Variants in WDPCP observed in about 807,000 individuals in gnomAD.
WDPCP encodes WD repeat containing planar cell polarity effector.
In WDPCP, 71 loss-of-function variants were observed where a neutral mutation model predicts 93.1. The ratio of observed to expected loss-of-function variants is 0.76; its 90% confidence interval spans 0.63 to 0.93. The LOEUF is 0.93. Ranked by LOEUF, WDPCP falls within the 40% of genes least tolerant of loss-of-function variation. WDPCP has a pLI of 0.00. For synonymous variants in WDPCP, 315 were observed against 315.0 expected (o/e 1.00, Z 0.00); for missense variants, 844 against 887.4 (o/e 0.95, Z 0.62).
At chr2:63,224,455 C>T (rs1214994659) in intron 14 of WDPCP, among the ~76,000 whole-genome samples, 3 of 152,016 alleles carry the variant, frequency 2.0e-5, no homozygotes, top group Non-Finnish European at 4.4e-5. Context: ...TTTATCATAG[C>T]TTTATTCATA....
Position 63,772,550 on chromosome 2 carries a change from C to A in WDPCP, n.308+41072G>T, listed in dbSNP as rs961104170. Among the ~76,000 whole-genome samples, 6 of 151,946 alleles carry A rather than the reference C, an allele frequency of 3.9e-5. No homozygotes were observed. In the South Asian group the frequency reaches 1.2e-3, roughly 31 times the overall value. ...GCAAAACTCCTAAACAAAAGATTAG[C>A]AAACTTAATCCAAGGATGCATAATA... is the stretch of plus-strand genomic sequence containing the variant. On this transcript the variant is annotated intron_variant and non_coding_transcript_variant, in intron 2 of 4. Coordinates refer to the WDPCP transcript ENST00000467687.
chr2:63,642,104 T>G (rs182656472), intron 3 of WDPCP, among the ~76,000 whole-genome samples: 153 of 152,284 alleles, frequency 1.0e-3, no homozygotes, highest in African/African-American at 3.5e-3. Flanking sequence ...TATGGGGATT[T>G]GTTTCTGGAC....
intron 2 of WDPCP, among the ~76,000 whole-genome samples, chr2:63,722,479 G>C (rs1350032346): frequency 6.8e-6 from 1 of 146,840 alleles, no homozygotes; most frequent in Non-Finnish European, 1.5e-5. Flanking sequence ...GAAGTGAGGA[G>C]CCCCTCCGCC....
chr2:63,596,727 A>G (rs1363454000), intron 3 of WDPCP, among the ~76,000 whole-genome samples: 3 of 152,194 alleles, frequency 2.0e-5, no homozygotes, highest in Admixed American at 6.5e-5. Flanking sequence ...AGCTTTTTTA[A>G]TACAATCAAC....
intron 14 of WDPCP, among the ~76,000 whole-genome samples, chr2:63,201,995 A>T (rs1675949062): frequency 1.3e-5 from 2 of 151,942 alleles, no homozygotes; most frequent in East Asian, 3.9e-4. Flanking sequence ...TTTAACTTCT[A>T]TAAATTCTAG....
chr2:63,627,318 A>C (rs1709820393), intron 3 of WDPCP, among the ~76,000 whole-genome samples: 1 of 152,230 alleles, frequency 6.6e-6, no homozygotes, highest in African/African-American at 2.4e-5. Flanking sequence ...TTAGAGAGAC[A>C]CAGAGATTAG....
intron 12 of WDPCP, among the ~76,000 whole-genome samples, chr2:63,355,675 T>A (rs1166386017): frequency 6.6e-6 from 1 of 151,994 alleles, no homozygotes; most frequent in African/African-American, 2.4e-5. Flanking sequence ...AGGTCAGGAA[T>A]TCAAGGCCAG....
At chr2:63,642,489 A>G (rs1335098738) in intron 3 of WDPCP, 2 of 144,262 alleles carry the variant, frequency 1.4e-5, no homozygotes, top group African/African-American at 2.6e-5. Context: ...TGTCATCACT[A>G]TTTTAGAATT....
At chr2:63,622,471 T>C in intron 3 of WDPCP, 10 of 1,613,952 alleles carry the variant, frequency 6.2e-6, no homozygotes, top group Non-Finnish European at 8.5e-6. Flanking sequence ...GTCCAGCCGC[T>C]GTTGTCAGAG....
intron 2 of WDPCP, among the ~76,000 whole-genome samples, chr2:63,669,643 A>G (rs1023408772): frequency 6.6e-6 from 1 of 152,158 alleles, no homozygotes; most frequent in Non-Finnish European, 1.5e-5. Context: ...TACAAGTGTG[A>G]GCCACCGTGC....
upstream of WDPCP, chr2:63,588,829 C>A: frequency 1.6e-6 from 1 of 610,258 alleles, no homozygotes; most frequent in East Asian, 2.9e-5. Flanking sequence ...CCTCTGGTAT[C>A]GGGAAGTGTA....
In WDPCP at chr2:63,790,357, T is replaced by C. The variant is rs796138195; in HGVS notation, n.308+23265A>G. Among the ~76,000 whole-genome samples, 70 of 152,252 alleles carry C rather than the reference T, an allele frequency of 4.6e-4. 1 individual carries two copies. Among genetic ancestry groups the C allele is most frequent in the African/African-American group, 1.6e-3 (67 of 41,560 alleles). ...CCCCAAATGGGAGAAAATATGAAAC[T>C]AAGAAGAAACCAAACCAATAACAGA... On this transcript the variant is annotated intron_variant and non_coding_transcript_variant, in intron 2 of 4. Transcript: ENST00000467687.
intron 1 of WDPCP, among the ~76,000 whole-genome samples, chr2:63,495,952 T>G (rs557786227): frequency 6.6e-6 from 1 of 152,100 alleles, no homozygotes; most frequent in African/African-American, 2.4e-5. Context: ...GACATGCAAA[T>G]TGGTTAATAT....
Position 63,551,304 on chromosome 2 carries a change from G to A in WDPCP, c.75+36893C>T, listed in dbSNP as rs1317799413. Reference sequence around the variant, plus strand: ...TTGCGTCCCCTCCAAATCTCATGTTGAAATATAATCCCTAGTGTTGGAGAT... The same window carrying A: ...TTGCGTCCCCTCCAAATCTCATGTTAAAATATAATCCCTAGTGTTGGAGAT... On this transcript the variant is annotated intron_variant, in intron 1 of 17. Transcript: ENST00000272321. Among the ~76,000 whole-genome samples the A allele has an allele frequency of 2.0e-5, 3 of 152,100 alleles. No homozygotes were observed. The East Asian group carries it at 5.8e-4, about 29-fold the overall frequency.
chr2:63,483,506 G>A (rs1700391242), intron 6 of WDPCP, among the ~76,000 whole-genome samples: 1 of 151,756 alleles, frequency 6.6e-6, no homozygotes, highest in African/African-American at 2.4e-5. Flanking sequence ...TTGCCTCCAT[G>A]AGTAAAGGTA....
chr2:63,570,110 A>C (rs933130309), intron 1 of WDPCP, among the ~76,000 whole-genome samples: 1 of 152,188 alleles, frequency 6.6e-6, no homozygotes, highest in Non-Finnish European at 1.5e-5. Flanking sequence ...CACAACTCTC[A>C]TTTTCAAATT....
chr2:63,705,015 GT>G (rs896381253), intron 2 of WDPCP, among the ~76,000 whole-genome samples: 3 of 152,114 alleles, frequency 2.0e-5, no homozygotes, highest in African/African-American at 7.2e-5. Flanking sequence ...ATTCTTCCTG[GT>G]TTAGTCTTGG....
chr2:63,284,434 A>G (rs143711922), intron 13 of WDPCP, among the ~76,000 whole-genome samples: 1 of 152,286 alleles, frequency 6.6e-6, no homozygotes, highest in Non-Finnish European at 1.5e-5. Flanking sequence ...TCAGCATATG[A>G]TTTTTTAATC....
rs903823943 is a variant in WDPCP, at chr2:63,396,957, C to T, written c.1435+7091G>A. On this transcript the variant is annotated intron_variant, in intron 10 of 17. Transcript: ENST00000272321. ...GCATTTGTTTGCTAAGTATAATAGC[C>T]TCCATCTCCATCCATGTTCCCACAA... is the stretch of plus-strand genomic sequence containing the variant. Among the ~76,000 whole-genome samples the T allele has an allele frequency of 4.6e-5, 7 of 152,184 alleles. 1 individual carries two copies. The South Asian group carries it at 1.0e-3, about 23-fold the overall frequency.
Sources: allele counts gnomAD v4.1 joint callset (sites outside exome capture counted in the v4.1 genomes callset), GRCh38; gene constraint gnomAD v4.1.1; transcripts MANE v1.5; gene names NCBI Gene and HGNC (gene_info 2026-07-23, HGNC 2026-07-21).